Variants in LILRB1 observed in about 807,000 individuals in gnomAD.
The protein encoded by LILRB1 is leukocyte immunoglobulin like receptor B1.
A neutral mutation model predicts 74.6 loss-of-function variants in LILRB1; 59 were observed. The ratio of observed to expected loss-of-function variants is 0.79; its 90% confidence interval spans 0.64 to 0.98. LILRB1 has a LOEUF of 0.98. LILRB1 is among the 50% of genes least tolerant of loss of function. LILRB1 has a pLI of 0.00. For synonymous variants in LILRB1, 328 were observed against 333.9 expected (o/e 0.98, Z 0.19); for missense variants, 804 against 822.6 (o/e 0.98, Z 0.28).
chr19:54,630,052 C>T (rs1487696641), upstream of LILRB1, among the ~76,000 whole-genome samples: 1 of 152,208 alleles, frequency 6.6e-6, no homozygotes, highest in East Asian at 1.9e-4. Context: ...AAATCAGGCA[C>T]AAATGAGCCC....
chr19:54,633,396 T>C (rs1278913888), intron 7 of LILRB1, 78 bp downstream of exon 7: 6 of 1,539,246 alleles, frequency 3.9e-6, no homozygotes, highest in East Asian at 2.3e-5. Context: ...TGGGCTGGGA[T>C]GGAGTGAGCG....
chr19:54,635,226 A>G (rs1462217194), intron 11 of LILRB1, 33 bp from the exon 12 acceptor site: 1 of 1,611,978 alleles, frequency 6.2e-7, no homozygotes, highest in Non-Finnish European at 8.5e-7. Flanking sequence ...CGTGGCCCAT[A>G]CACTGCCCCT....
chr19:54,637,439 C>G lies in LILRB1; in HGVS notation c.*561C>G, dbSNP rs568143023. On this transcript the variant is annotated 3_prime_UTR_variant, in exon 15 of 15. Coordinates refer to ENST00000324602, the MANE Select transcript of LILRB1 (RefSeq NM_001081637.3). ...ATTTGGGAGGCTGAGGCAGGAGAAT[C>G]GCTTGAACCAGGGAGTCAGAGGTTT... 1 of 151,968 alleles carries G rather than the reference C, an allele frequency of 6.6e-6. No homozygotes were observed. Among genetic ancestry groups the G allele is most frequent in the Non-Finnish European group, 1.5e-5 (1 of 68,812 alleles). 9.4% of individuals were successfully genotyped at this position (151,968 alleles called of 1,614,324 possible).
In LILRB1 at chr19:54,633,147, G is replaced by C; in HGVS notation, c.1090G>C (p.Asp364His). ...CCTTCTGACCAAGGAGGGGGCAGCTGATGACCCATGGCGTCTAAGATCAAC... is the reference window on the plus strand; with the variant it reads ...CCTTCTGACCAAGGAGGGGGCAGCTCATGACCCATGGCGTCTAAGATCAAC... ...TFLLTKEGAA[D>H]DPWRLRSTYQ... Residue 364 changes from aspartate (D) to histidine (H), a missense_variant, in exon 7 of 15, where the codon GAT becomes CAT. Coordinates refer to ENST00000324602, the MANE Select transcript of LILRB1 (RefSeq NM_001081637.3). 6.2e-7 allele frequency: 1 copy of C among 1,614,272 alleles called. No homozygotes were observed. The highest frequency in any genetic ancestry group is 1.1e-5 in the South Asian group (1 of 91,088).
rs571331004 is a variant in LILRB1, at chr19:54,635,344, G to A, written c.1600+48G>A. ...CAGCCAGGAGGGAGATGGGGGCCCC[G>A]AAGTTTCCGTAGCAATGGGGAAAGG... On this transcript the variant is annotated intron_variant, in intron 12 of 14. Transcript: ENST00000324602. The A allele has an allele frequency of 1.7e-4, 267 of 1,608,940 alleles. No homozygotes were observed. In the South Asian group the frequency reaches 2.3e-3, roughly 14 times the overall value.
chr19:54,633,808 G>T (rs1314767046), intron 8 of LILRB1, 120 bp downstream of exon 8: 1 of 1,460,230 alleles, frequency 6.8e-7, no homozygotes, highest in Non-Finnish European at 9.2e-7. Flanking sequence ...GCCGGGCAGA[G>T]CCAGAGGAGG....
upstream of LILRB1, among the ~76,000 whole-genome samples, chr19:54,616,332 T>C (rs1337975850): frequency 6.6e-6 from 1 of 152,212 alleles, no homozygotes; most frequent in Non-Finnish European, 1.5e-5. Flanking sequence ...ACACATGTTC[T>C]CAGGACCTCC....
chr19:54,617,196 G>GAAAAGAAAAGA (rs1555789162), exon 1 of LILRB1: 18 of 152,134 alleles, frequency 1.2e-4, no homozygotes, highest in African/African-American at 4.1e-4. Context: ...GAAAAGAAAA[G>GAAAAGAAAAGA]AAAAGAAAAA....
At chr19:54,625,197 G>A (rs2063549547) in intron 1 of LILRB1, among the ~76,000 whole-genome samples, 1 of 145,350 alleles carries the variant, frequency 6.9e-6, no homozygotes, top group Admixed American at 6.9e-5. Context: ...GTGTTCGGGT[G>A]GGGGCAGGAC....
At chr19:54,620,454 G>T (rs2063425615) in intron 1 of LILRB1, among the ~76,000 whole-genome samples, 1 of 152,026 alleles carries the variant, frequency 6.6e-6, no homozygotes, top group African/African-American at 2.4e-5. Context: ...TGCCTCCCAG[G>T]TTCACGCCCA....
At chr19:54,628,541 C>CA (rs1273540124), upstream of LILRB1, among the ~76,000 whole-genome samples, 1 of 152,126 alleles carries the variant, frequency 6.6e-6, no homozygotes, top group Non-Finnish European at 1.5e-5. Flanking sequence ...TCACAGAACT[C>CA]AGAGAGACAC....
intron 9 of LILRB1, 141 bp from the exon 10 acceptor site, chr19:54,634,500 A>T: frequency 4.6e-6 from 7 of 1,521,866 alleles, no homozygotes; most frequent in Non-Finnish European, 6.2e-6. Flanking sequence ...TCATCTGTAC[A>T]GTGGGTGGGG....
At position 54,618,621 on chromosome 19, in the gene LILRB1, C is replaced by G. The variant is rs978745082; in HGVS notation, c.-166+1272C>G. ...GGTTGGGAGTTCAAGAGCAGCCTGA[C>G]ACACACAAAACAAAATTATAAACCC... On this transcript the variant is annotated intron_variant, in intron 1 of 15. Coordinates refer to the LILRB1 transcript ENST00000396331. Among the ~76,000 whole-genome samples, 2 of 152,178 alleles carry G rather than the reference C, an allele frequency of 1.3e-5. 1 individual carries two copies. Among genetic ancestry groups the G allele is most frequent in the South Asian group, 4.1e-4 (2 of 4,828 alleles).
rs1358895242 is a variant in LILRB1, at chr19:54,630,640, A to G, written c.-49+7A>G. The G allele has an allele frequency of 2.2e-6, 2 of 900,080 alleles. No individual in the cohort carries two copies. Among genetic ancestry groups the G allele is most frequent in the Non-Finnish European group, 3.5e-6 (2 of 573,626 alleles). The allele number at this position is 900,080 out of a possible 1,614,324, so 55.8% of individuals were successfully genotyped here. ...TGGAGGGACGACTGCCATGGTAAGG[A>G]CCCCACAACACTGAGCTGATGGACG... On this transcript the variant is annotated splice_region_variant and intron_variant, in intron 1 of 14. Coordinates refer to ENST00000324602, the MANE Select transcript of LILRB1 (RefSeq NM_001081637.3).
upstream of LILRB1, among the ~76,000 whole-genome samples, chr19:54,625,875 G>A (rs529860746): frequency 9.5e-6 from 1 of 105,624 alleles, no homozygotes; most frequent in East Asian, 2.8e-4. Context: ...CCTTCCCCAT[G>A]TTAGGAGCCT....
upstream of LILRB1, among the ~76,000 whole-genome samples, chr19:54,628,305 G>A (rs1216022007): frequency 6.6e-6 from 1 of 152,204 alleles, no homozygotes; most frequent in East Asian, 1.9e-4. Flanking sequence ...ATAACATAAA[G>A]TACATTGATT....
upstream of LILRB1, among the ~76,000 whole-genome samples, chr19:54,629,195 G>A (rs1005675797): frequency 3.9e-5 from 6 of 152,236 alleles, no homozygotes; most frequent in South Asian, 6.2e-4. Context: ...GTATATGAAC[G>A]GCAGACTTTT....
chr19:54,623,251 G>A (rs917270649), intron 1 of LILRB1, among the ~76,000 whole-genome samples: 3 of 152,250 alleles, frequency 2.0e-5, no homozygotes, highest in South Asian at 2.1e-4. Flanking sequence ...CCAGCTCTTC[G>A]TTGTGTATAT....
At position 54,631,665 on chromosome 19, in the gene LILRB1, A is replaced by G. The variant is rs780408011; in HGVS notation, c.236A>G (p.Lys79Arg). The change falls in exon 4 of 15, where the codon AAG becomes AGG. Residue 79 changes from lysine to arginine, a missense_variant. Physicochemically the swap from Lys to Arg is conservative, Grantham distance 26. Coordinates refer to ENST00000324602, the MANE Select transcript of LILRB1 (RefSeq NM_001081637.3). ...ACACGGATCCCACAGGAGCTTGTGAAGAAGGGCCAGTTCCCCATCCCATCC... is the reference window on the plus strand; with the variant it reads ...ACACGGATCCCACAGGAGCTTGTGAGGAAGGGCCAGTTCCCCATCCCATCC... ...WITRIPQELVKKGQFPIPSIT... is the reference protein window; with the variant it reads ...WITRIPQELVRKGQFPIPSIT... The G allele has an allele frequency of 9.3e-6, 15 of 1,614,270 alleles. No individual in the cohort carries two copies. Among genetic ancestry groups the G allele is most frequent in the South Asian group, 1.1e-5 (1 of 91,092 alleles).
Sources: allele counts gnomAD v4.1 joint callset (sites outside exome capture counted in the v4.1 genomes callset), GRCh38; gene constraint gnomAD v4.1.1; transcripts MANE v1.5; gene names NCBI Gene and HGNC (gene_info 2026-07-23, HGNC 2026-07-21).